The following LRRC7 variants were observed in gnomAD, a reference collection of about 807,000 sequenced individuals.
The protein encoded by LRRC7 is leucine-rich repeat-containing protein 7.
In LRRC7, 23 loss-of-function variants were observed where a neutral mutation model predicts 175.7. The ratio of observed to expected loss-of-function variants is 0.13; its 90% CI spans 0.09 to 0.19. The LOEUF is 0.19. Ranked by LOEUF, LRRC7 falls within the 10% of genes least tolerant of loss-of-function variation. The pLI is 1.00. For missense variants in LRRC7, 1,354 were observed against 1,904.7 expected, an observed-to-expected ratio of 0.71 and a Z score of 5.38; for synonymous variants, 685 against 680.9, an observed-to-expected ratio of 1.01 and a Z score of -0.09.
intron 10 of LRRC7, among the ~76,000 whole-genome samples, chr1:69,987,148 G>A (rs1162939652): frequency 1.3e-5 from 2 of 152,194 alleles, no homozygotes; most frequent in East Asian, 3.9e-4. Flanking sequence ...GGGAGGCTGA[G>A]GCAGGAGAAT....
chr1:69,797,227 A>G (rs1449476615), intron 4 of LRRC7, among the ~76,000 whole-genome samples: 1 of 152,184 alleles, frequency 6.6e-6, no homozygotes, highest in Non-Finnish European at 1.5e-5. Context: ...TGACACTCCG[A>G]TAAGTAATGA....
In LRRC7 at chr1:69,835,960, T is replaced by C. The variant is rs566680398; in HGVS notation, c.590+1091T>C. Among the ~76,000 whole-genome samples, 396 of 152,146 alleles carry C rather than the reference T, an allele frequency of 2.6e-3. 2 individuals carry two copies. The highest frequency in any genetic ancestry group is 9.2e-3 in the African/African-American group (383 of 41,564). On this transcript the variant is annotated intron_variant, in intron 6 of 26. Coordinates refer to ENST00000651989, the MANE Select transcript of LRRC7 (RefSeq NM_001370785.2). ...TTTTCTTGTCATCTTGACATGTTTT[T>C]CAATATTTTTCAGGTGTTCTACAAT...
chr1:70,013,161 G>A, intron 13 of LRRC7, 72 bp downstream of exon 13: 1 of 851,232 alleles, frequency 1.2e-6, no homozygotes, highest in Non-Finnish European at 1.8e-6. Flanking sequence ...TTTGCCTATA[G>A]TTTTGATAAC....
intron 1 of LRRC7, among the ~76,000 whole-genome samples, chr1:69,654,128 A>C (rs539322570): frequency 2.4e-4 from 36 of 147,028 alleles, no homozygotes; most frequent in Non-Finnish European, 5.0e-4. Context: ...TTTTTTTTTT[A>C]CCACAACAAG....
intron 11 of LRRC7, among the ~76,000 whole-genome samples, chr1:70,007,358 A>T (rs922842467): frequency 3.9e-5 from 6 of 152,220 alleles, no homozygotes; most frequent in Non-Finnish European, 7.3e-5. Flanking sequence ...GATCGTAAAA[A>T]TGACCTTGCA....
chr1:69,658,429 T>G (rs2100519223), intron 1 of LRRC7, among the ~76,000 whole-genome samples: 1 of 152,054 alleles, frequency 6.6e-6, no homozygotes, highest in Non-Finnish European at 1.5e-5. Flanking sequence ...TATTTTTAAG[T>G]GAGTTGCCAC....
intron 23 of LRRC7, among the ~76,000 whole-genome samples, chr1:70,074,215 A>T (rs530268576): frequency 6.6e-6 from 1 of 152,248 alleles, no homozygotes; most frequent in South Asian, 2.1e-4. Flanking sequence ...AAAAAAAAAA[A>T]AAAATACATC....
intron 8 of LRRC7, among the ~76,000 whole-genome samples, chr1:69,942,613 T>A (rs1236516423): frequency 6.6e-6 from 1 of 152,006 alleles, no homozygotes; most frequent in Non-Finnish European, 1.5e-5. Flanking sequence ...ATTCCTTACG[T>A]GGCCCCTTCC....
chr1:69,929,090 A>G (rs7520997), intron 7 of LRRC7, among the ~76,000 whole-genome samples: 3,378 of 152,120 alleles, frequency 0.022, 109 homozygotes, highest in African/African-American at 0.078. Context: ...CTTTTTATCT[A>G]CATTCATGCC....
rs12075782 is a variant in LRRC7, at chr1:69,616,855, A to G, written c.2+48214A>G. Reference sequence around the variant, plus strand: ...GGTAACTTAGGAATTGTCCTATAATAAATCACTTATTTACAACCAATCAAA... The same window carrying G: ...GGTAACTTAGGAATTGTCCTATAATGAATCACTTATTTACAACCAATCAAA... On this transcript the variant is annotated intron_variant, in intron 1 of 26. Coordinates refer to ENST00000651989, the MANE Select transcript of LRRC7 (RefSeq NM_001370785.2). Among the ~76,000 whole-genome samples the G allele has an allele frequency of 5.7e-3, 875 of 152,180 alleles. 9 individuals are homozygous for G. Among genetic ancestry groups the G allele is most frequent in the African/African-American group, 0.02 (844 of 41,534 alleles).
rs564171554 is a variant in LRRC7, at chr1:69,992,442, G to A, written c.932-2119G>A. Among the ~76,000 whole-genome samples the A allele has an allele frequency of 7.2e-4, 109 of 152,124 alleles. 1 individual carries two copies. Among genetic ancestry groups the A allele is most frequent in the African/African-American group, 2.3e-3 (95 of 41,482 alleles). On this transcript the variant is annotated intron_variant, in intron 10 of 26. Transcript: ENST00000651989. ...GAGAGAAGGAATAGGATAAAATACC[G>A]TTGATTACTCTAGAGAAAAGAGTCT...
chr1:69,577,003 CG>C (rs1645979468), intron 1 of LRRC7, among the ~76,000 whole-genome samples: 1 of 152,132 alleles, frequency 6.6e-6, no homozygotes, highest in African/African-American at 2.4e-5. Context: ...GGAGGATGGA[CG>C]TTTTTTGTTT....
At chr1:70,067,172 A>G (rs1030275248) in intron 23 of LRRC7, among the ~76,000 whole-genome samples, 1 of 151,956 alleles carries the variant, frequency 6.6e-6, no homozygotes, top group Non-Finnish European at 1.5e-5. Context: ...AGTTCTTTAT[A>G]TATTCTAGGT....
chr1:69,605,173 G>C (rs545789294), intron 1 of LRRC7, among the ~76,000 whole-genome samples: 18 of 152,104 alleles, frequency 1.2e-4, no homozygotes, highest in Non-Finnish European at 2.6e-4. Context: ...TGCTGTTCTC[G>C]TGATAGTGAA....
rs1263754279 is a variant in LRRC7 at position 70,137,277 on chromosome 1, G to T, written c.*15390G>T. On this transcript the variant is annotated 3_prime_UTR_variant, in exon 27 of 27. Coordinates refer to ENST00000651989, the MANE Select transcript of LRRC7 (RefSeq NM_001370785.2). The stretch of plus-strand genomic sequence containing the variant: ...CCCTTTTGGGTCAAAGTCAGAGGGG[G>T]CTTGCTGGAATCAAGGGCAGCTCCT... Among the ~76,000 whole-genome samples, 1 of 152,170 alleles carries T rather than the reference G, an allele frequency of 6.6e-6. No individual in the cohort carries two copies. Among genetic ancestry groups the T allele is most frequent in the Non-Finnish European group, 1.5e-5 (1 of 68,042 alleles).
At chr1:69,834,903 T>G in intron 6 of LRRC7, 34 bp downstream of exon 6, 2 of 1,543,456 alleles carry the variant, frequency 1.3e-6, no homozygotes, top group Non-Finnish European at 1.8e-6. Context: ...TGCAATTATA[T>G]CTCACCTTAG....
rs1264820695 is a variant in LRRC7 at position 70,028,198 on chromosome 1, A to G, written c.1822A>G (p.Thr608Ala). Reference sequence around the variant, plus strand: ...TGAAATAAACCTAAAACGATATCCAACTCCTTACCCAGAGGATTTAAAGAA... The same window carrying G: ...TGAAATAAACCTAAAACGATATCCAGCTCCTTACCCAGAGGATTTAAAGAA... ...QVEINLKRYP[T>A]PYPEDLKNMV... The change falls in exon 18 of 27, where the codon ACT (threonine) becomes GCT (alanine). Residue 608 changes from threonine to alanine, a missense_variant. Coordinates refer to ENST00000651989, the MANE Select transcript of LRRC7 (RefSeq NM_001370785.2). The G allele has an allele frequency of 6.2e-7, 1 of 1,613,606 alleles. No individual in the cohort carries two copies. Among genetic ancestry groups the G allele is most frequent in the Non-Finnish European group, 8.5e-7 (1 of 1,179,678 alleles).
chr1:70,038,460 C>G lies in LRRC7; in HGVS notation c.2636C>G (p.Pro879Arg). 6.2e-7 allele frequency: 1 copy of G among 1,614,152 alleles called. No homozygotes were observed. The highest frequency in any genetic ancestry group is 8.5e-7 in the Non-Finnish European group (1 of 1,180,004). Residue 879 changes from proline to arginine, a missense_variant, in exon 21 of 27, where the codon CCT (proline) becomes CGT (arginine). By Grantham distance (103) the Pro-to-Arg change is moderately radical. This residue lies in a region of LRRC7 where 1,032 missense variants were observed against 1,227.2 expected (regional missense o/e 0.84). Coordinates refer to ENST00000651989, the MANE Select transcript of LRRC7 (RefSeq NM_001370785.2). ...TPETEVPPSN[P>R]WQNWTRTPSP... is the part of the protein sequence containing the mutation. ...GAAACAGAAGTGCCTCCTTCCAATCCTTGGCAGAATTGGACCAGAACCCCT... is the reference window on the plus strand; with the variant it reads ...GAAACAGAAGTGCCTCCTTCCAATCGTTGGCAGAATTGGACCAGAACCCCT...
chr1:69,848,646 G>C (rs992823885), intron 7 of LRRC7, among the ~76,000 whole-genome samples: 12 of 151,872 alleles, frequency 7.9e-5, no homozygotes, highest in African/African-American at 2.9e-4. Flanking sequence ...GCTTTCTTCA[G>C]GTCTCCTCTC....
Sources: gnomAD v4.1 joint callset for allele counts (sites outside exome capture counted in the v4.1 genomes callset) on GRCh38, gnomAD v4.1.1 for gene constraint, gnomAD v4.1.1 regional missense constraint, MANE v1.5 for transcripts, NCBI Gene and HGNC (gene_info 2026-07-23, HGNC 2026-07-21) for gene names.